Variants in THBS4 observed in about 807,000 individuals in gnomAD.
THBS4 encodes the protein thrombospondin 4, also known as thrombospondin-4.
Under a neutral mutation model 115.7 loss-of-function variants are expected in THBS4, and 90 were observed. That is an observed-to-expected ratio of 0.78 (90% CI 0.66 to 0.93). THBS4 has a LOEUF of 0.93. Among genes scored for constraint, THBS4 ranks in the 40% least tolerant of loss-of-function variants. THBS4 has a pLI of 0.00. For synonymous variants in THBS4, 460 were observed against 479.3 expected (o/e 0.96, Z 0.53); for missense variants, 1,087 against 1,232.7 (o/e 0.88, Z 1.77).
At chr5:80,048,856 G>A (rs934628943) in intron 2 of THBS4, among the ~76,000 whole-genome samples, 2 of 152,142 alleles carry the variant, frequency 1.3e-5, no homozygotes, top group African/African-American at 2.4e-5. Context: ...ATAAGCAAAG[G>A]CAAACAAGAA....
chr5:80,051,911 G>A (rs1833270252), intron 2 of THBS4, among the ~76,000 whole-genome samples: 1 of 152,146 alleles, frequency 6.6e-6, no homozygotes, highest in South Asian at 2.1e-4. Flanking sequence ...TGTTTCCTTT[G>A]AATTTCACAG....
intron 2 of THBS4, among the ~76,000 whole-genome samples, chr5:80,001,053 C>A (rs1051413135): frequency 6.6e-6 from 1 of 152,104 alleles, no homozygotes; most frequent in African/African-American, 2.4e-5. Context: ...AAAATTAGAC[C>A]AGTTGACTCT....
intron 2 of THBS4, among the ~76,000 whole-genome samples, chr5:80,006,088 G>A (rs183241482): frequency 6.0e-4 from 91 of 152,226 alleles, no homozygotes; most frequent in African/African-American, 2.0e-3. Flanking sequence ...TTAAACTAAA[G>A]CATGTATTAT....
At chr5:80,046,677 A>G (rs1421662569) in intron 2 of THBS4, among the ~76,000 whole-genome samples, 1 of 152,218 alleles carries the variant, frequency 6.6e-6, no homozygotes, top group Admixed American at 6.5e-5. Context: ...CTGACTTCAG[A>G]AAAGAATTGG....
chr5:79,992,390 C>G (rs1269443471), intron 1 of THBS4, among the ~76,000 whole-genome samples: 1 of 152,178 alleles, frequency 6.6e-6, no homozygotes, highest in Non-Finnish European at 1.5e-5. Flanking sequence ...AAAGAAACCT[C>G]TGCAACTTTT....
chr5:80,040,024 T>C, intron 1 of THBS4, 53 bp from the exon 2 acceptor site: 1 of 1,552,246 alleles, frequency 6.4e-7, no homozygotes, highest in South Asian at 1.1e-5. Context: ...GAAACCCTGT[T>C]TTCCCCAAAA....
intron 1 of THBS4, among the ~76,000 whole-genome samples, chr5:80,037,731 A>T (rs1458829629): frequency 6.6e-6 from 1 of 152,200 alleles, no homozygotes; most frequent in African/African-American, 2.4e-5. Context: ...TAGTTCCCAT[A>T]CTTTAAATAC....
At chr5:80,082,224 C>A in intron 20 of THBS4, 182 bp from the exon 21 acceptor site, 1 of 726,704 alleles carries the variant, frequency 1.4e-6, no homozygotes. Context: ...CCCTCAAGGA[C>A]TTCCAGTCTA....
At chr5:80,078,534 A>C (rs1743330088) in intron 17 of THBS4, among the ~76,000 whole-genome samples, 1 of 152,218 alleles carries the variant, frequency 6.6e-6, no homozygotes, top group African/African-American at 2.4e-5. Context: ...TCTCTGCAGC[A>C]GACTGCCTTC....
At chr5:80,024,520 G>A (rs931438276) in intron 2 of THBS4, among the ~76,000 whole-genome samples, 7 of 152,128 alleles carry the variant, frequency 4.6e-5, no homozygotes, top group South Asian at 2.1e-4. Context: ...ATCCAAGAGC[G>A]TAAAGGACTT....
At chr5:80,039,143 T>C (rs1368083579) in intron 1 of THBS4, among the ~76,000 whole-genome samples, 1 of 152,258 alleles carries the variant, frequency 6.6e-6, no homozygotes, top group Non-Finnish European at 1.5e-5. Flanking sequence ...TTGTCAATAT[T>C]ACCCATTTAA....
At position 80,078,180 on chromosome 5, in the gene THBS4, C is replaced by G. The variant is rs368569229; in HGVS notation, c.2218C>G (p.Pro740Ala). 12 of 1,608,278 alleles carry G rather than the reference C, an allele frequency of 7.5e-6. No homozygotes were observed. Among genetic ancestry groups the G allele is most frequent in the South Asian group, 2.2e-5 (2 of 90,160 alleles). ...GGCTTACCAGACCGTGGTCCTGGAT[C>G]CTGAAGGGGATGCCCAGATCGATCC... ...FRAYQTVVLDPEGDAQIDPNW... is the reference protein window; with the variant it reads ...FRAYQTVVLDAEGDAQIDPNW... Residue 740 changes from proline (P) to alanine (A), a missense_variant, in exon 17 of 22, where the codon CCT becomes GCT. Transcript: ENST00000350881.
chr5:80,065,276 C>A (rs1486854461), intron 8 of THBS4, 133 bp from the exon 9 acceptor site: 3 of 678,116 alleles, frequency 4.4e-6, no homozygotes, highest in Non-Finnish European at 5.1e-6. Context: ...GCACAAATAA[C>A]CCTCAGATTA....
chr5:80,023,283 A>T (rs1452179924), intron 2 of THBS4, among the ~76,000 whole-genome samples: 1 of 152,204 alleles, frequency 6.6e-6, no homozygotes, highest in South Asian at 2.1e-4. Flanking sequence ...CTGTACCTGC[A>T]TATACACATG....
intron 10 of THBS4, 92 bp downstream of exon 10, chr5:80,068,217 C>T (rs893295479): frequency 6.8e-7 from 1 of 1,471,816 alleles, no homozygotes; most frequent in African/African-American, 1.4e-5. Flanking sequence ...GGTAAAAGTA[C>T]TCCAAAATGA....
chr5:80,080,579 C>CTTTTTTATTTTTTTTTTTTTTTTTTTTTT (rs1743445117), intron 20 of THBS4, among the ~76,000 whole-genome samples: 1 of 50,464 alleles, frequency 2.0e-5, no homozygotes, highest in Non-Finnish European at 3.5e-5. Flanking sequence ...GCGCTTGTAT[C>CTTTTTTATTTTTTTTTTTTTTTTTTTTTT]TTTTTTTTTT....
At chr5:80,041,942 GAAGTTTCTAATTCTT>G (rs1487220635) in intron 2 of THBS4, among the ~76,000 whole-genome samples, 3 of 152,208 alleles carry the variant, frequency 2.0e-5, no homozygotes, top group Non-Finnish European at 4.4e-5. Flanking sequence ...GGAAATGAAA[GAAGTTTCTAATTCTT>G]AACTTTCATA....
chr5:80,047,393 G>GT (rs1162393280), intron 2 of THBS4, among the ~76,000 whole-genome samples: 2 of 152,030 alleles, frequency 1.3e-5, no homozygotes, highest in African/African-American at 2.4e-5. Context: ...GTTTGGTTTT[G>GT]TTTTTTGTTT....
intron 15 of THBS4, chr5:80,074,211 T>G (rs1228076191): frequency 6.6e-6 from 1 of 152,244 alleles, no homozygotes; most frequent in Non-Finnish European, 1.5e-5. Context: ...GCTGAGGGAT[T>G]GCTATTATTT....
Sources: allele counts gnomAD v4.1 joint callset (sites outside exome capture counted in the v4.1 genomes callset), GRCh38; gene constraint gnomAD v4.1.1; transcripts MANE v1.5; gene names NCBI Gene and HGNC (gene_info 2026-07-23, HGNC 2026-07-21).